DMD: variants seen among roughly 807,000 people sequenced by gnomAD.
DMD encodes dystrophin.
A neutral mutation model predicts 330.1 loss-of-function variants in DMD; 63 were observed. The observed-to-expected ratio is 0.19, with a 90% CI of 0.16 to 0.24. The LOEUF is 0.24. DMD is among the 10% of genes least tolerant of loss of function. The pLI is 1.00. For missense variants in DMD, 3,344 were observed against 2,684.1 expected (o/e 1.25, Z -5.43); for synonymous variants, 1,223 against 959.8 (o/e 1.27, Z -5.07).
At chrX:32,539,047 T>C (rs1466270216) in intron 17 of DMD, among the ~76,000 whole-genome samples, 1 of 111,706 alleles carries the variant, frequency 9.0e-6, no homozygotes, top group African/African-American at 3.3e-5. Flanking sequence ...AGAATTCACA[T>C]TACTATATTC....
chrX:31,357,185 C>T (rs1464002748), intron 60 of DMD, among the ~76,000 whole-genome samples: 2 of 111,165 alleles, frequency 1.8e-5, no homozygotes, highest in East Asian at 2.8e-4. Context: ...TGGAAGATAT[C>T]GTTCTCACAG....
intron 60 of DMD, among the ~76,000 whole-genome samples, chrX:31,383,409 C>T (rs1921966): frequency 2.5e-4 from 28 of 112,025 alleles, no homozygotes; most frequent in African/African-American, 7.8e-4. Flanking sequence ...ATATGAAGTA[C>T]GTAGATAATG....
At chrX:32,504,395 G>A (rs898457243) in intron 18 of DMD, among the ~76,000 whole-genome samples, 4 of 111,001 alleles carry the variant, frequency 3.6e-5, no homozygotes, top group African/African-American at 6.6e-5. Flanking sequence ...GGGCCAACGC[G>A]GGTGGATCAC....
At position 32,644,138 on chromosome X, in the gene DMD, T is replaced by A; in HGVS notation, c.1325A>T (p.Gln442Leu). Residue 442 changes from glutamine to leucine, a missense_variant, in exon 11 of 79, where the codon CAA becomes CTA. Transcript: ENST00000357033. ...AAAACAAATAAGGACTTACTTGCTT[T>A]GTTTTTCCATGCTAGCTACCCTGAG... Reference protein sequence around the residue: ...ECLRVASMEKQSNLHRVLMDL... With the variant: ...ECLRVASMEKLSNLHRVLMDL... 4.1e-6 allele frequency: 5 copies of A among 1,206,373 alleles called. No individual in the cohort carries two copies. Among genetic ancestry groups the A allele is most frequent in the Non-Finnish European group, 5.6e-6 (5 of 892,091 alleles).
At chrX:32,176,227 C>T (rs2096906001) in intron 44 of DMD, among the ~76,000 whole-genome samples, 1 of 111,982 alleles carries the variant, frequency 8.9e-6, no homozygotes, top group Non-Finnish European at 1.9e-5. Flanking sequence ...CATAATATTT[C>T]CCACTTTCTA....
At chrX:31,721,589 A>ATC (rs59628263) in intron 52 of DMD, among the ~76,000 whole-genome samples, 1,694 of 90,804 alleles carry the variant, frequency 0.019, 17 homozygotes, top group East Asian at 0.044. Context: ...CTTAAAATCA[A>ATC]TCTCTCTCTC....
At chrX:32,057,699 C>A (rs1259239661) in intron 44 of DMD, among the ~76,000 whole-genome samples, 1 of 107,083 alleles carries the variant, frequency 9.3e-6, no homozygotes, top group African/African-American at 3.3e-5. Context: ...TAATTCCTAT[C>A]ATAATCCCAA....
intron 72 of DMD, among the ~76,000 whole-genome samples, chrX:31,172,627 T>C (rs994057879): frequency 8.9e-6 from 1 of 111,919 alleles, no homozygotes; most frequent in Non-Finnish European, 1.9e-5. Flanking sequence ...ATAGAAATTC[T>C]AAGGAAAGTT....
chrX:33,107,647 C>T (rs2095303307), intron 1 of DMD, among the ~76,000 whole-genome samples: 1 of 111,237 alleles, frequency 9.0e-6, no homozygotes, highest in Non-Finnish European at 1.9e-5. Context: ...AAAAAGCAAA[C>T]TTGCATTTAT....
At chrX:32,546,549 G>A (rs761148041) in intron 16 of DMD, among the ~76,000 whole-genome samples, 203 of 111,426 alleles carry the variant, frequency 1.8e-3, no homozygotes, top group Non-Finnish European at 2.9e-3. Flanking sequence ...GAACAGTGAA[G>A]GAATAAAATC....
intron 53 of DMD, among the ~76,000 whole-genome samples, chrX:31,674,170 T>G (rs959223136): frequency 5.4e-5 from 6 of 112,046 alleles, no homozygotes; most frequent in African/African-American, 1.6e-4. Flanking sequence ...CAGTTTCCAC[T>G]ACCGTACATA....
At chrX:31,308,745 T>G (rs954495408) in intron 62 of DMD, among the ~76,000 whole-genome samples, 1 of 110,308 alleles carries the variant, frequency 9.1e-6, no homozygotes, top group African/African-American at 3.3e-5. Context: ...TTTTTTTCTT[T>G]GGAGATGGAG....
At chrX:32,760,730 G>A (rs2072166909) in intron 7 of DMD, among the ~76,000 whole-genome samples, 1 of 111,949 alleles carries the variant, frequency 8.9e-6, no homozygotes, top group Non-Finnish European at 1.9e-5. Flanking sequence ...TATTGATGTT[G>A]CATATAGGCA....
At chrX:32,226,188 A>G (rs905488948) in intron 43 of DMD, among the ~76,000 whole-genome samples, 3 of 111,800 alleles carry the variant, frequency 2.7e-5, no homozygotes, top group Non-Finnish European at 5.6e-5. Context: ...TCTCTAACAG[A>G]CAACCTCACT....
At chrX:33,004,628 T>C (rs1426515579) in intron 2 of DMD, among the ~76,000 whole-genome samples, 1 of 111,531 alleles carries the variant, frequency 9.0e-6, no homozygotes, top group Non-Finnish European at 1.9e-5. Flanking sequence ...TGTGTATTTT[T>C]TTATAAAAAG....
rs754610891 is a variant in DMD at position 32,787,828 on chromosome X, T to A, written c.649+21665A>T. ...ATTTGGGGAGAGTCAGCATTTATTCTAGAGGCAGGCAAAATAACTGGAAAG... is the reference window on the plus strand; with the variant it reads ...ATTTGGGGAGAGTCAGCATTTATTCAAGAGGCAGGCAAAATAACTGGAAAG... On this transcript the variant is annotated intron_variant, in intron 7 of 78. Transcript: ENST00000357033. 2.7e-5 allele frequency among the ~76,000 whole-genome samples: 3 copies of A among 109,994 alleles called. No individual in the cohort carries two copies. The Admixed American group carries it at 2.9e-4, about 11-fold the overall frequency.
At chrX:31,282,280 A>C (rs1050102839) in intron 62 of DMD, among the ~76,000 whole-genome samples, 15 of 111,986 alleles carry the variant, frequency 1.3e-4, no homozygotes, top group Non-Finnish European at 2.3e-4. Context: ...TGACGTGTGC[A>C]AAACAGGCTT....
intron 60 of DMD, among the ~76,000 whole-genome samples, chrX:31,424,234 A>G (rs1876525849): frequency 1.8e-5 from 2 of 111,820 alleles, no homozygotes; most frequent in South Asian, 7.5e-4. Context: ...AAAATTATCA[A>G]TATTCTGTTG....
At chrX:32,319,994 C>T (rs1215938902) in intron 41 of DMD, among the ~76,000 whole-genome samples, 1 of 110,265 alleles carries the variant, frequency 9.1e-6, no homozygotes, top group Admixed American at 9.8e-5. Flanking sequence ...ACAAGCAAAT[C>T]GAACCCTCCC....
Sources: gnomAD v4.1 joint callset for allele counts (sites outside exome capture counted in the v4.1 genomes callset) on GRCh38, gnomAD v4.1.1 for gene constraint, MANE v1.5 for transcripts, NCBI Gene and HGNC (gene_info 2026-07-23, HGNC 2026-07-21) for gene names.